The following AKAP19 variants were observed in gnomAD, a reference collection of about 807,000 sequenced individuals.
The protein encoded by AKAP19 is A-kinase anchoring protein 19.
At chr2:190,093,290 G>A in the AKAP19 span, among the ~76,000 whole-genome samples, 6 of 152,034 alleles carry the variant, frequency 3.9e-5, no homozygotes, top group East Asian at 5.8e-4. Context: ...AAAATTAGCC[G>A]GGAGTGGTGG....
At chr2:190,090,130 A>G in the AKAP19 span, among the ~76,000 whole-genome samples, 1 of 152,198 alleles carries the variant, frequency 6.6e-6, no homozygotes, top group African/African-American at 2.4e-5. Context: ...AGAGACTGAT[A>G]TTACCCTTTT....
At chr2:190,019,717 T>C in the AKAP19 span, among the ~76,000 whole-genome samples, 3 of 152,158 alleles carry the variant, frequency 2.0e-5, no homozygotes, top group South Asian at 6.2e-4. Context: ...GACAACTGGA[T>C]ATTTGCCTCT....
chr2:190,043,033 G>A, the AKAP19 span, among the ~76,000 whole-genome samples: 1 of 152,292 alleles, frequency 6.6e-6, no homozygotes, highest in South Asian at 2.1e-4. Context: ...AATCTCATCT[G>A]GCTTTTAGGG....
the AKAP19 span, chr2:189,923,562 C>T: frequency 1.2e-6 from 2 of 1,613,982 alleles, no homozygotes; most frequent in Admixed American, 1.7e-5. Flanking sequence ...AGAATGATTG[C>T]TGGCCAGGTT....
At chr2:190,176,839 C>T in the AKAP19 span, among the ~76,000 whole-genome samples, 1 of 152,192 alleles carries the variant, frequency 6.6e-6, no homozygotes, top group Admixed American at 6.5e-5. The surrounding 1 kb of genome is among the most constrained non-coding windows in gnomAD (Gnocchi z 4.7). Context: ...ATATCTGGGC[C>T]TCTCAGCCAA....
chr2:189,983,927 C>T, the AKAP19 span, among the ~76,000 whole-genome samples: 1 of 152,038 alleles, frequency 6.6e-6, no homozygotes, highest in East Asian at 1.9e-4. Flanking sequence ...TGATGCCCCA[C>T]AAGCCACAAA....
At chr2:189,995,832 T>A in the AKAP19 span, among the ~76,000 whole-genome samples, 1 of 152,324 alleles carries the variant, frequency 6.6e-6, no homozygotes, top group East Asian at 1.9e-4. Flanking sequence ...TGGTGAATTC[T>A]CTCCACTACC....
At chr2:190,016,717 C>G in the AKAP19 span, among the ~76,000 whole-genome samples, 1 of 152,126 alleles carries the variant, frequency 6.6e-6, no homozygotes, top group African/African-American at 2.4e-5. Flanking sequence ...ATGATCTATC[C>G]TGGAGAATGT....
chr2:189,920,350 C>T, the AKAP19 span, among the ~76,000 whole-genome samples: 1 of 152,108 alleles, frequency 6.6e-6, no homozygotes, highest in Non-Finnish European at 1.5e-5. Flanking sequence ...CTAGATCCTG[C>T]CATCACATTT....
chr2:190,202,120 C>T, the AKAP19 span: 13 of 166,990 alleles, frequency 7.8e-5, no homozygotes, highest in Non-Finnish European at 1.8e-4. Context: ...CTTCTGTGCC[C>T]TGGGCCACTA....
the AKAP19 span, among the ~76,000 whole-genome samples, chr2:189,908,883 G>T: frequency 6.6e-6 from 1 of 152,126 alleles, no homozygotes; most frequent in Non-Finnish European, 1.5e-5. Context: ...TTGGTCTACA[G>T]TGTAGTCCAA....
the AKAP19 span, among the ~76,000 whole-genome samples, chr2:190,126,472 G>A: frequency 7.2e-5 from 11 of 151,794 alleles, no homozygotes; most frequent in Admixed American, 3.9e-4. Context: ...TAATCCTTGA[G>A]TAGTGCCATG....
At chr2:190,052,593 G>A in the AKAP19 span, among the ~76,000 whole-genome samples, 1 of 152,176 alleles carries the variant, frequency 6.6e-6, no homozygotes. Flanking sequence ...GAGCGGACCT[G>A]AGAAAATCTT....
the AKAP19 span, among the ~76,000 whole-genome samples, chr2:189,954,889 C>A: frequency 6.6e-6 from 1 of 152,162 alleles, no homozygotes; most frequent in African/African-American, 2.4e-5. Flanking sequence ...TGCCCAATAT[C>A]TTTGACCTCT....
chr2:189,924,839 C>T, the AKAP19 span, among the ~76,000 whole-genome samples: 2 of 151,648 alleles, frequency 1.3e-5, no homozygotes, highest in Admixed American at 6.6e-5. Flanking sequence ...ATGTTTGGGA[C>T]CTTTTTTCCT....
At chr2:190,045,460 C>T in the AKAP19 span, among the ~76,000 whole-genome samples, 1 of 151,392 alleles carries the variant, frequency 6.6e-6, no homozygotes, top group Non-Finnish European at 1.5e-5. Flanking sequence ...TCCTGCCCAG[C>T]GAGGAGGAAT....
the AKAP19 span, chr2:190,062,560 A>C: frequency 1.2e-6 from 2 of 1,612,996 alleles, no homozygotes; most frequent in African/African-American, 2.7e-5. Flanking sequence ...ATCAGCATAA[A>C]CAGGTAAATA....
chr2:189,928,437 T>C, the AKAP19 span, among the ~76,000 whole-genome samples: 1 of 152,154 alleles, frequency 6.6e-6, no homozygotes, highest in Admixed American at 6.5e-5. Context: ...ATAGACATCA[T>C]GTTTAAGTAG....
At chr2:189,974,294 T>C in the AKAP19 span, among the ~76,000 whole-genome samples, 1 of 152,132 alleles carries the variant, frequency 6.6e-6, no homozygotes, top group Admixed American at 6.6e-5. Flanking sequence ...CGGTTTTGAG[T>C]GAGTTTCTTA....
Sources: allele counts gnomAD v4.1 joint callset (sites outside exome capture counted in the v4.1 genomes callset), GRCh38; gene constraint gnomAD v4.1.1; non-coding constraint Gnocchi (gnomAD v3.1); transcripts MANE v1.5; gene names NCBI Gene and HGNC (gene_info 2026-07-23, HGNC 2026-07-21).